Variants in CFAP157 observed in about 807,000 individuals in gnomAD.
The protein encoded by CFAP157 is cilia and flagella associated protein 157.
CFAP157 carries 43 observed loss-of-function variants against 57.8 expected under a neutral mutation model. The observed-to-expected ratio is 0.74, with a 90% CI of 0.58 to 0.96. CFAP157 has a LOEUF of 0.96. Ranked by LOEUF, CFAP157 falls within the 40% of genes least tolerant of loss-of-function variation. CFAP157 has a pLI of 0.00. For missense variants in CFAP157, 606 were observed against 655.3 expected, an observed-to-expected ratio of 0.92 and a Z score of 0.82; for synonymous variants, 267 against 269.0, an observed-to-expected ratio of 0.99 and a Z score of 0.07.
rs1448527985 is a variant in CFAP157 at position 127,715,102 on chromosome 9, C to T, written c.*1197C>T. The T allele has an allele frequency of 2.0e-6, 3 of 1,533,616 alleles. No individual in the cohort carries two copies. The highest frequency in any genetic ancestry group is 2.6e-6 in the Non-Finnish European group (3 of 1,145,838). ...AGTGCCGGTCGCGCGTCCAACTCTC[C>T]GCCACACCCAGCCGCCGCGCCAGCT... On this transcript the variant is annotated 3_prime_UTR_variant, in exon 9 of 9. Transcript: ENST00000373295. This position sits in a 1 kb window ranked among gnomAD's most constrained non-coding sequence, Gnocchi z 5.8.
Position 127,714,984 on chromosome 9 carries a change from C to T in CFAP157, c.*1079C>T. On this transcript the variant is annotated 3_prime_UTR_variant, in exon 9 of 9. Coordinates refer to ENST00000373295, the MANE Select transcript of CFAP157 (RefSeq NM_001012502.3). Reference sequence around the variant, plus strand: ...GGCGCTCTCAACTCACCAGCCCGGGCCACGCTGCGCCCGTTGGCGTTCATA... The same window carrying T: ...GGCGCTCTCAACTCACCAGCCCGGGTCACGCTGCGCCCGTTGGCGTTCATA... The T allele has an allele frequency of 6.9e-7, 1 of 1,446,142 alleles. No homozygotes were observed. The highest frequency in any genetic ancestry group is 9.1e-7 in the Non-Finnish European group (1 of 1,103,848). The allele number at this position is 1,446,142 out of a possible 1,614,324, so 89.6% of individuals were successfully genotyped here.
chr9:127,715,896 G>T lies in CFAP157; in HGVS notation c.*1991G>T. On this transcript the variant is annotated 3_prime_UTR_variant, in exon 9 of 9. Coordinates refer to ENST00000373295, the MANE Select transcript of CFAP157 (RefSeq NM_001012502.3). The surrounding 1 kb of genome is among the most constrained non-coding windows in gnomAD (Gnocchi z 5.8). ...CTCTTGCTTGACCTTCGGTTGGGAGGCCTTGTTATGCCCCCCGCTATGGCC... is the reference window on the plus strand; with the variant it reads ...CTCTTGCTTGACCTTCGGTTGGGAGTCCTTGTTATGCCCCCCGCTATGGCC... The T allele has an allele frequency of 1.3e-6, 1 of 767,664 alleles. No individual in the cohort carries two copies. The highest frequency in any genetic ancestry group is 2.1e-6 in the Non-Finnish European group (1 of 487,412). 47.6% of individuals were successfully genotyped at this position (767,664 alleles called of 1,614,324 possible).
Position 127,715,500 on chromosome 9 carries a change from G to A in CFAP157, c.*1595G>A, listed in dbSNP as rs763356756. 2 of 1,612,010 alleles carry A rather than the reference G, an allele frequency of 1.2e-6. No individual in the cohort carries two copies. Among genetic ancestry groups the A allele is most frequent in the South Asian group, 1.1e-5 (1 of 91,000 alleles). On this transcript the variant is annotated 3_prime_UTR_variant, in exon 9 of 9. Coordinates refer to ENST00000373295, the MANE Select transcript of CFAP157 (RefSeq NM_001012502.3). The surrounding 1 kb of genome is among the most constrained non-coding windows in gnomAD (Gnocchi z 5.8). ...CCCGGGACATAATGGCCGAACTGAA[G>A]CTAGGGACCGGGAGCCCCTACGTCG...
intron 8 of CFAP157, 164 bp downstream of exon 8, chr9:127,713,370 T>C (rs1842813755): frequency 1.7e-6 from 1 of 582,784 alleles, no homozygotes; most frequent in South Asian, 2.8e-5. Context: ...CAAGCCTCAA[T>C]GGGCCAAAGC....
rs1842761637 is a variant in CFAP157, at chr9:127,711,357, C to T, written c.716C>T (p.Ala239Val). ...KENNGITLQM[A>V]RVSQQGMKLL... ...AACAACGGCATTACCCTGCAGATGG[C>T]CAGGGTCTCCCAGCAAGGCATGAAG... The change falls in exon 4 of 9, where the codon GCC becomes GTC. Residue 239 changes from alanine (A) to valine (V), a missense_variant. By Grantham distance (64) the Ala-to-Val change is moderately conservative (BLOSUM62 0). Coordinates refer to ENST00000373295, the MANE Select transcript of CFAP157 (RefSeq NM_001012502.3). 6.2e-7 allele frequency: 1 copy of T among 1,614,174 alleles called. No individual in the cohort carries two copies. Among genetic ancestry groups the T allele is most frequent in the African/African-American group, 1.3e-5 (1 of 75,052 alleles).
At position 127,711,924 on chromosome 9, in the gene CFAP157, G is replaced by A; in HGVS notation, c.960G>A (p.Gln320=). 1 of 1,605,964 alleles carries A rather than the reference G, an allele frequency of 6.2e-7. No homozygotes were observed. The highest frequency in any genetic ancestry group is 1.1e-5 in the South Asian group (1 of 89,230). ...LLSQLEQRSL[Q]LQVDNQALKS... ...GCCAGTTGGAGCAGAGATCCCTGCAGCTGCAGGTGGATAACCAGGCACTGA... is the reference window on the plus strand; with the variant it reads ...GCCAGTTGGAGCAGAGATCCCTGCAACTGCAGGTGGATAACCAGGCACTGA... Residue 320 remains glutamine, a synonymous_variant, in exon 5 of 9, where the codon CAG becomes CAA. Coordinates refer to ENST00000373295, the MANE Select transcript of CFAP157 (RefSeq NM_001012502.3).
rs569181102 is a variant in CFAP157, at chr9:127,711,969, G to A, written c.986+19G>A. On this transcript the variant is annotated intron_variant, in intron 5 of 8. Coordinates refer to ENST00000373295, the MANE Select transcript of CFAP157 (RefSeq NM_001012502.3). ...CACTGAAGTGCGTATGGCCCACGGA[G>A]GGGCGGGCGGCGGGTGCAGGCTGGG... 1.9e-6 allele frequency: 3 copies of A among 1,597,574 alleles called. No homozygotes were observed. Among genetic ancestry groups the A allele is most frequent in the Non-Finnish European group, 1.7e-6 (2 of 1,174,348 alleles).
intron 4 of CFAP157, 124 bp downstream of exon 4, chr9:127,711,620 TG>T: frequency 7.7e-7 from 1 of 1,294,852 alleles, no homozygotes. Context: ...GAGAGAGGAC[TG>T]GGCCTCCTGT....
At position 127,715,627 on chromosome 9, in the gene CFAP157, C is replaced by T. The variant is rs773635828; in HGVS notation, c.*1722C>T. The T allele has an allele frequency of 8.9e-5, 144 of 1,612,268 alleles. No homozygotes were observed. Among genetic ancestry groups the T allele is most frequent in the Non-Finnish European group, 1.2e-4 (136 of 1,179,942 alleles). On this transcript the variant is annotated 3_prime_UTR_variant, in exon 9 of 9. Transcript: ENST00000373295. This position sits in a 1 kb window ranked among gnomAD's most constrained non-coding sequence, Gnocchi z 5.8. ...AGCCGCTGTCCGGCGCCCAAAAAGC[C>T]GCCCGGCCTCATGCTGCCCCCATTC...
rs1327854092 is a variant in CFAP157, at chr9:127,715,191, C to A, written c.*1286C>A. 2.0e-6 allele frequency: 3 copies of A among 1,525,922 alleles called. No homozygotes were observed. Among genetic ancestry groups the A allele is most frequent in the Admixed American group, 2.0e-5 (1 of 49,722 alleles). 94.5% of individuals were successfully genotyped at this position (1,525,922 alleles called of 1,614,324 possible). A position where few individuals can be genotyped will look rare whatever the true frequency, so the allele number is the denominator to read the frequency against. On this transcript the variant is annotated 3_prime_UTR_variant, in exon 9 of 9. Transcript: ENST00000373295. The surrounding 1 kb of genome is among the most constrained non-coding windows in gnomAD (Gnocchi z 5.8). The stretch of plus-strand genomic sequence containing the variant: ...GGCAGTCCGGGATTCCCCAGGCCAG[C>A]CACCTGCGGGCGGCACCAGGGAAAC...
chr9:127,709,831 C>G lies in CFAP157; in HGVS notation c.433+138C>G. ...GTCTTCCTTAATTGTCCCAGCAATC[C>G]TACGAAGCTGGAAACATCCCCCAAC... On this transcript the variant is annotated intron_variant, in intron 2 of 8. Transcript: ENST00000373295. This position sits in a 1 kb window ranked among gnomAD's most constrained non-coding sequence, Gnocchi z 4.7. 9.6e-7 allele frequency: 1 copy of G among 1,045,518 alleles called. No homozygotes were observed. Among genetic ancestry groups the G allele is most frequent in the Admixed American group, 2.7e-5 (1 of 36,858 alleles). The allele number at this position is 1,045,518 out of a possible 1,614,324, so 64.8% of individuals were successfully genotyped here.
intron 3 of CFAP157, among the ~76,000 whole-genome samples, 154 bp from the exon 4 acceptor site, chr9:127,711,075 C>T (rs547977609): frequency 2.6e-5 from 4 of 152,162 alleles, no homozygotes; most frequent in Non-Finnish European, 5.9e-5. Context: ...AGAGGATCTA[C>T]AGGGAAAGCC....
Position 127,709,550 on chromosome 9 carries a change from A to G in CFAP157, c.290A>G (p.Glu97Gly). 6.2e-7 allele frequency: 1 copy of G among 1,614,166 alleles called. No homozygotes were observed. The part of the protein sequence containing the change: ...LKRTLNQQVD[E>G]ITDLNEQLQN... ...CGCACGCTCAACCAGCAGGTGGATG[A>G]GATCACAGACCTCAACGAGCAGCTC... is the stretch of plus-strand genomic sequence containing the variant. The change falls in exon 2 of 9, where the codon GAG (glutamate) becomes GGG (glycine). Residue 97 changes from glutamate (E) to glycine (G), a missense_variant. Glu to Gly is a moderately conservative substitution (Grantham distance 98). Transcript: ENST00000373295. This position sits in a 1 kb window ranked among gnomAD's most constrained non-coding sequence, Gnocchi z 4.7.
Position 127,715,616 on chromosome 9 carries a change from G to A in CFAP157, c.*1711G>A, listed in dbSNP as rs780239843. The A allele has an allele frequency of 2.5e-6, 4 of 1,612,524 alleles. No homozygotes were observed. Among genetic ancestry groups the A allele is most frequent in the African/African-American group, 2.7e-5 (2 of 74,932 alleles). ...TGGCTCTACTCAGCCGCTGTCCGGCGCCCAAAAAGCCGCCCGGCCTCATGC... is the reference window on the plus strand; with the variant it reads ...TGGCTCTACTCAGCCGCTGTCCGGCACCCAAAAAGCCGCCCGGCCTCATGC... On this transcript the variant is annotated 3_prime_UTR_variant, in exon 9 of 9. Coordinates refer to ENST00000373295, the MANE Select transcript of CFAP157 (RefSeq NM_001012502.3). This position sits in a 1 kb window ranked among gnomAD's most constrained non-coding sequence, Gnocchi z 5.8.
intron 1 of CFAP157, among the ~76,000 whole-genome samples, chr9:127,708,980 G>T (rs1341916309): frequency 1.3e-5 from 2 of 152,248 alleles, no homozygotes; most frequent in Non-Finnish European, 2.9e-5. Flanking sequence ...ACTGATTCAG[G>T]TTCAAGTCCT....
In CFAP157 at chr9:127,711,570, A is replaced by C; in HGVS notation, c.855+74A>C. On this transcript the variant is annotated intron_variant, in intron 4 of 8. Transcript: ENST00000373295. ...GCCGCCCTGGGGGCCCTGCAGGGGTAGAGTCAGGGGCAGTCAAGTCAGGAG... is the reference window on the plus strand; with the variant it reads ...GCCGCCCTGGGGGCCCTGCAGGGGTCGAGTCAGGGGCAGTCAAGTCAGGAG... The C allele has an allele frequency of 1.9e-6, 3 of 1,548,912 alleles. No individual in the cohort carries two copies. The South Asian group carries it at 3.6e-5, about 19-fold the overall frequency.
chr9:127,712,161 A>C, intron 5 of CFAP157, 38 bp from the exon 6 acceptor site: 1 of 1,610,214 alleles, frequency 6.2e-7, no homozygotes, highest in Non-Finnish European at 8.5e-7. Flanking sequence ...GTCCTGGGGA[A>C]GGGGGAAGGC....
intron 1 of CFAP157, among the ~76,000 whole-genome samples, chr9:127,708,425 C>G (rs1159633253): frequency 1.3e-5 from 2 of 151,984 alleles, no homozygotes; most frequent in African/African-American, 2.4e-5. Context: ...TGCAGAGAGC[C>G]GAGATCGTGC....
chr9:127,713,869 G>C lies in CFAP157; in HGVS notation c.1527G>C (p.Lys509Asn). Reference protein sequence around the residue: ...RAPGSLKRLEKFSLPEVPLRP... With the variant: ...RAPGSLKRLENFSLPEVPLRP... ...CTGGTTCTCTAAAAAGGCTTGAAAA[G>C]TTTAGTCTTCCTGAAGTTCCCCTAC... The change falls in exon 9 of 9, where the codon AAG (lysine) becomes AAC (asparagine). Residue 509 changes from lysine (K) to asparagine (N), a missense_variant. Coordinates refer to ENST00000373295, the MANE Select transcript of CFAP157 (RefSeq NM_001012502.3). The C allele has an allele frequency of 6.2e-7, 1 of 1,613,964 alleles. No individual in the cohort carries two copies. The highest frequency in any genetic ancestry group is 8.5e-7 in the Non-Finnish European group (1 of 1,180,020).
Sources: gnomAD v4.1 joint callset for allele counts (sites outside exome capture counted in the v4.1 genomes callset) on GRCh38, gnomAD v4.1.1 for gene constraint, Gnocchi (gnomAD v3.1) non-coding constraint, MANE v1.5 for transcripts, NCBI Gene and HGNC (gene_info 2026-07-23, HGNC 2026-07-21) for gene names.